CDK14: variants seen among roughly 807,000 people sequenced by gnomAD.
CDK14 encodes cyclin dependent kinase 14, also known as cyclin-dependent kinase 14.
A neutral mutation model predicts 60.7 loss-of-function variants in CDK14; 34 were observed. The ratio of observed to expected loss-of-function variants is 0.56; its 90% CI spans 0.43 to 0.75. CDK14 has a LOEUF of 0.75. Among genes scored for constraint, CDK14 ranks in the 30% least tolerant of loss-of-function variants. CDK14 has a pLI of 0.00. For synonymous variants in CDK14, 197 were observed against 203.7 expected (o/e 0.97, Z 0.28); for missense variants, 482 against 564.1 (o/e 0.85, Z 1.47).
At position 91,091,350 on chromosome 7, in the gene CDK14, T is replaced by TAC. The variant is rs1273047531; in HGVS notation, c.1154+11871_1154+11872insCA. On this transcript the variant is annotated intron_variant, in intron 12 of 14. Transcript: ENST00000380050. Reference sequence around the variant, plus strand: ...ACATATGTGTATACATATATGTGTATATAAATTATATATACATATATACAT... The same window carrying TAC: ...ACATATGTGTATACATATATGTGTATACATAAATTATATATACATATATACAT... 3.4e-5 allele frequency among the ~76,000 whole-genome samples: 5 copies of TAC among 145,110 alleles called. No individual in the cohort carries two copies. In the East Asian group the frequency reaches 5.9e-4, roughly 17 times the overall value.
intron 2 of CDK14, among the ~76,000 whole-genome samples, chr7:90,615,321 C>T (rs777456035): frequency 1.2e-4 from 18 of 152,154 alleles, no homozygotes; most frequent in Admixed American, 1.2e-3. Context: ...TTAGAGAACC[C>T]AGGGAGTCCT....
intron 10 of CDK14, among the ~76,000 whole-genome samples, chr7:91,042,358 G>C (rs987287941): frequency 6.6e-6 from 1 of 151,846 alleles, no homozygotes; most frequent in Non-Finnish European, 1.5e-5. Context: ...ATTTCTCCCT[G>C]CACCCAGGGA....
At chr7:91,023,081 G>C (rs1177862716) in intron 10 of CDK14, among the ~76,000 whole-genome samples, 1 of 151,664 alleles carries the variant, frequency 6.6e-6, no homozygotes, top group Non-Finnish European at 1.5e-5. Context: ...TTTTTTGTTG[G>C]GAACATGTGA....
intron 12 of CDK14, among the ~76,000 whole-genome samples, chr7:91,085,223 G>A (rs1222703712): frequency 6.6e-6 from 1 of 152,172 alleles, no homozygotes; most frequent in African/African-American, 2.4e-5. Context: ...TGACCAACTT[G>A]GGGTTTTATC....
At chr7:90,954,519 G>A (rs1437206869) in intron 8 of CDK14, among the ~76,000 whole-genome samples, 1 of 151,414 alleles carries the variant, frequency 6.6e-6, no homozygotes, top group Middle Eastern at 3.4e-3. Flanking sequence ...ACAAATCTTG[G>A]GAAAACACTC....
chr7:90,894,998 C>T (rs79568117), intron 6 of CDK14, among the ~76,000 whole-genome samples: 1 of 151,998 alleles, frequency 6.6e-6, no homozygotes, highest in African/African-American at 2.4e-5. Context: ...TGTTTTAGTT[C>T]CCTCCATCCC....
At chr7:91,084,740 C>G (rs1192501257) in intron 12 of CDK14, among the ~76,000 whole-genome samples, 1 of 152,236 alleles carries the variant, frequency 6.6e-6, no homozygotes, top group Non-Finnish European at 1.5e-5. Flanking sequence ...TACCCATCTT[C>G]TCTCTTACTA....
At chr7:90,954,018 T>C (rs1794334378) in intron 8 of CDK14, among the ~76,000 whole-genome samples, 2 of 152,158 alleles carry the variant, frequency 1.3e-5, no homozygotes, top group Non-Finnish European at 2.9e-5. Flanking sequence ...ACTCCATTCA[T>C]GTGGAGAAAA....
chr7:90,763,533 C>G (rs4475412), intron 4 of CDK14, among the ~76,000 whole-genome samples: 104,008 of 152,020 alleles, frequency 0.68, 35,936 homozygotes, highest in East Asian at 0.96. Context: ...TCTTTGTACA[C>G]AGTTCTCTCA....
chr7:90,671,053 C>T (rs1203804394), intron 2 of CDK14, among the ~76,000 whole-genome samples: 1 of 152,042 alleles, frequency 6.6e-6, no homozygotes, highest in African/African-American at 2.4e-5. Context: ...AGCAAGTTGC[C>T]AGCTGGATGT....
intron 4 of CDK14, among the ~76,000 whole-genome samples, chr7:90,763,671 G>C (rs553483399): frequency 6.6e-6 from 1 of 151,486 alleles, no homozygotes; most frequent in Non-Finnish European, 1.5e-5. Flanking sequence ...GTCGTGGGGT[G>C]GGGGGATGGG....
chr7:90,898,375 C>G (rs1792400829), intron 6 of CDK14, among the ~76,000 whole-genome samples: 1 of 152,072 alleles, frequency 6.6e-6, no homozygotes, highest in African/African-American at 2.4e-5. Context: ...AGCTTAATAA[C>G]AGAACCTGAA....
At chr7:90,901,067 G>C (rs1037511167) in intron 7 of CDK14, among the ~76,000 whole-genome samples, 2 of 152,104 alleles carry the variant, frequency 1.3e-5, no homozygotes, top group African/African-American at 2.4e-5. Flanking sequence ...CAAGGTTACT[G>C]TTTCTCAGTA....
intron 14 of CDK14, among the ~76,000 whole-genome samples, chr7:91,195,352 TG>T (rs1802501150): frequency 6.6e-6 from 1 of 152,216 alleles, no homozygotes; most frequent in South Asian, 2.1e-4. Context: ...AGGATGGCAG[TG>T]TAGTAAAGGT....
intron 5 of CDK14, among the ~76,000 whole-genome samples, chr7:90,840,301 C>G (rs1296499683): frequency 6.6e-6 from 1 of 152,182 alleles, no homozygotes; most frequent in East Asian, 1.9e-4. Flanking sequence ...GAACCAAGGA[C>G]TGAGTGGAGC....
chr7:90,673,335 G>A (rs909091929), intron 2 of CDK14, among the ~76,000 whole-genome samples: 2 of 152,150 alleles, frequency 1.3e-5, no homozygotes, highest in Non-Finnish European at 2.9e-5. Context: ...AGGGAGTGAT[G>A]CTTTCATCCT....
At chr7:90,664,892 A>AC (rs1190723823) in intron 2 of CDK14, among the ~76,000 whole-genome samples, 1 of 152,150 alleles carries the variant, frequency 6.6e-6, no homozygotes, top group African/African-American at 2.4e-5. Context: ...ATACATATGT[A>AC]ACAAACCTGC....
chr7:91,040,460 A>G (rs190805759), intron 10 of CDK14, among the ~76,000 whole-genome samples: 82 of 152,342 alleles, frequency 5.4e-4, no homozygotes, highest in Non-Finnish European at 9.8e-4. Flanking sequence ...CTGTGAAGCA[A>G]TCATTATTTT....
intron 5 of CDK14, among the ~76,000 whole-genome samples, chr7:90,854,462 T>G (rs1429569380): frequency 4.6e-5 from 7 of 152,102 alleles, no homozygotes; most frequent in South Asian, 4.1e-4. Flanking sequence ...CCTGGGAGGT[T>G]GAGGCTGCAA....
Sources: gnomAD v4.1 joint callset for allele counts (sites outside exome capture counted in the v4.1 genomes callset) on GRCh38, gnomAD v4.1.1 for gene constraint, MANE v1.5 for transcripts, NCBI Gene and HGNC (gene_info 2026-07-23, HGNC 2026-07-21) for gene names.